NOLC1: variants seen among roughly 807,000 people sequenced by gnomAD.
The protein encoded by NOLC1 is 140 kDa nucleolar phosphoprotein.
NOLC1 carries 37 observed loss-of-function variants against 73.4 expected under a neutral mutation model. The observed-to-expected ratio is 0.50, with a 90% CI of 0.39 to 0.66. NOLC1 has a LOEUF of 0.66. Ranked by LOEUF, NOLC1 falls within the 30% of genes least tolerant of loss-of-function variation. The pLI is 0.00. For missense variants in NOLC1, 921 were observed against 838.9 expected (o/e 1.10, Z -1.21); for synonymous variants, 327 against 302.6 (o/e 1.08, Z -0.84).
Position 102,161,870 on chromosome 10 carries a change from G to A in NOLC1, c.1886G>A (p.Arg629Lys), listed in dbSNP as rs769944012. Residue 629 changes from arginine to lysine, a missense_variant, in exon 12 of 13, where the codon AGG becomes AAG. Physicochemically the swap from Arg to Lys is conservative, Grantham distance 26 (BLOSUM62 2). Coordinates refer to ENST00000605788, the MANE Select transcript of NOLC1 (RefSeq NM_004741.5). ...KRASSPFRRV[R>K]EEEIEVDSRV... ...GCATCATCCCCATTCCGAAGGGTCA[G>A]GGAGGAGGAAATTGAGGTGGATTCA... 1 of 1,614,174 alleles carries A rather than the reference G, an allele frequency of 6.2e-7. No homozygotes were observed. Among genetic ancestry groups the A allele is most frequent in the Non-Finnish European group, 8.5e-7 (1 of 1,180,044 alleles).
chr10:102,160,158 C>T, intron 8 of NOLC1, 75 bp from the exon 9 acceptor site: 1 of 1,591,464 alleles, frequency 6.3e-7, no homozygotes, highest in Non-Finnish European at 8.6e-7. Context: ...CTGTGCGTGT[C>T]TTTGCATTCT....
intron 3 of NOLC1, 50 bp from the exon 4 acceptor site, chr10:102,157,381 C>T (rs866759203): frequency 1.9e-6 from 3 of 1,613,448 alleles, no homozygotes; most frequent in Admixed American, 1.7e-5. Context: ...AATTTACAGC[C>T]TGCTTGTTTC....
Position 102,157,254 on chromosome 10 carries a change from A to C in NOLC1, c.242A>C (p.Lys81Thr). The change falls in exon 3 of 13, where the codon AAG becomes ACG. Residue 81 changes from lysine to threonine, a missense_variant. Coordinates refer to ENST00000605788, the MANE Select transcript of NOLC1 (RefSeq NM_004741.5). The stretch of plus-strand genomic sequence containing the variant: ...CCAGTGGCTAAGAAAGCTAAGAAGA[A>C]GGCCTCATCCAGTGACAGTGAGGAC... Reference protein sequence around the residue: ...NGPVAKKAKKKASSSDSEDSS... With the variant: ...NGPVAKKAKKTASSSDSEDSS... The C allele has an allele frequency of 6.2e-7, 1 of 1,614,220 alleles. No homozygotes were observed. Among genetic ancestry groups the C allele is most frequent in the Non-Finnish European group, 8.5e-7 (1 of 1,180,028 alleles).
Position 102,163,387 on chromosome 10 carries a change from G to A in NOLC1, c.*1118G>A, listed in dbSNP as rs1484344057. 1 of 152,192 alleles carries A rather than the reference G, an allele frequency of 6.6e-6. No individual in the cohort carries two copies. Among genetic ancestry groups the A allele is most frequent in the Non-Finnish European group, 1.5e-5 (1 of 68,042 alleles). 9.4% of individuals were successfully genotyped at this position (152,192 alleles called of 1,614,324 possible). ...GCATATTACCTGATAAACTGGAGTG[G>A]GTTTGGGAGAACAAACTAATAGGAT... is the stretch of plus-strand genomic sequence containing the variant. On this transcript the variant is annotated 3_prime_UTR_variant, in exon 13 of 13. Transcript: ENST00000605788.
intron 1 of NOLC1, among the ~76,000 whole-genome samples, chr10:102,153,781 T>TCCTGCCTCAG (rs933863497): frequency 6.6e-6 from 1 of 150,484 alleles, no homozygotes; most frequent in Non-Finnish European, 1.5e-5. Context: ...CAAGTGATTA[T>TCCTGCCTCAG]CCTGCCTCAG....
chr10:102,152,501 G>A lies in NOLC1; in HGVS notation c.91G>A (p.Ala31Thr), dbSNP rs1207451842. The change falls in exon 1 of 13, where the codon GCC (alanine) becomes ACC (threonine). Residue 31 changes from alanine (A) to threonine (T), a missense_variant. Coordinates refer to ENST00000605788, the MANE Select transcript of NOLC1 (RefSeq NM_004741.5). ...GCGCGATAACCAACTCTCAGAGGTGGCCAATAAGTTCGCCAAAGCGACAGG... is the reference window on the plus strand; with the variant it reads ...GCGCGATAACCAACTCTCAGAGGTGACCAATAAGTTCGCCAAAGCGACAGG... The part of the protein sequence containing the change: ...FLRDNQLSEV[A>T]NKFAKATGAT... The A allele has an allele frequency of 1.2e-6, 2 of 1,613,794 alleles. No individual in the cohort carries two copies.
chr10:102,159,125 AAGG>A (rs2069653031), intron 5 of NOLC1, 65 bp from the exon 6 acceptor site: 2 of 1,409,220 alleles, frequency 1.4e-6, no homozygotes, highest in Admixed American at 4.0e-5. Flanking sequence ...TGCTCATAGG[AAGG>A]AGGTTTTTCA....
At chr10:102,156,246 T>C (rs2069592304) in intron 1 of NOLC1, among the ~76,000 whole-genome samples, 1 of 152,156 alleles carries the variant, frequency 6.6e-6, no homozygotes, top group African/African-American at 2.4e-5. Flanking sequence ...CATTCTTAGA[T>C]AGTACATTGC....
chr10:102,160,062 C>T, intron 8 of NOLC1, 38 bp downstream of exon 8: 1 of 1,603,140 alleles, frequency 6.2e-7, no homozygotes, highest in Non-Finnish European at 8.5e-7. Flanking sequence ...CAGCGTGGGT[C>T]TGGAGGAGGG....
rs1416370433 is a variant in NOLC1, at chr10:102,161,830, T to C, written c.1849-3T>C. The stretch of plus-strand genomic sequence containing the variant: ...TTTAATTTCCTACTTCATTCTTCTG[T>C]AGGGAGAAAAAAGGGCATCATCCCC... On this transcript the variant is annotated splice_region_variant and splice_polypyrimidine_tract_variant and intron_variant, in intron 11 of 12. Transcript: ENST00000605788. 1.2e-6 allele frequency: 2 copies of C among 1,613,152 alleles called. No homozygotes were observed. The highest frequency in any genetic ancestry group is 4.5e-5 in the East Asian group (2 of 44,862).
At position 102,159,569 on chromosome 10, in the gene NOLC1, GTGAC is replaced by G. The variant is rs1564970531; in HGVS notation, c.859+4_859+7del. ...AAAAAACCCATGAAAAATAAACCAGGTGACTGGACATGGGGAGCGAAGCTGTGTG... is the reference window on the plus strand; with the variant it reads ...AAAAAACCCATGAAAAATAAACCAGGTGGACATGGGGAGCGAAGCTGTGTG... On this transcript the variant is annotated splice_donor_variant and splice_donor_5th_base_variant and intron_variant, in intron 7 of 12. Transcript: ENST00000605788. LOFTEE classifies it high-confidence loss of function. The G allele has an allele frequency of 1.2e-6, 2 of 1,613,678 alleles. No individual in the cohort carries two copies. The highest frequency in any genetic ancestry group is 1.7e-6 in the Non-Finnish European group (2 of 1,179,928).
At position 102,152,461 on chromosome 10, in the gene NOLC1, C is replaced by A. The variant is rs117993238; in HGVS notation, c.51C>A (p.Leu17=). ...TGGTTCCCAGCGACCTGTATCCCCTCGTGCTCGGCTTCCTGCGCGATAACC... is the reference window on the plus strand; with the variant it reads ...TGGTTCCCAGCGACCTGTATCCCCTAGTGCTCGGCTTCCTGCGCGATAACC... ...RRVVPSDLYP[L]VLGFLRDNQL... is the part of the protein sequence containing the mutation. Residue 17 remains leucine (L), a synonymous_variant, in exon 1 of 13, where the codon CTC becomes CTA. Coordinates refer to ENST00000605788, the MANE Select transcript of NOLC1 (RefSeq NM_004741.5). 2,739 of 1,613,498 alleles carry A rather than the reference C, an allele frequency of 1.7e-3. 3 individuals carry two copies. The highest frequency in any genetic ancestry group is 2.2e-3 in the Non-Finnish European group (2,574 of 1,180,030).
chr10:102,156,241 TTAGA>T (rs1044806644), intron 1 of NOLC1, among the ~76,000 whole-genome samples: 10 of 152,214 alleles, frequency 6.6e-5, no homozygotes, highest in East Asian at 1.9e-4. Context: ...GATTACATTC[TTAGA>T]TAGTACATTG....
chr10:102,160,152 G>A (rs2069675361), intron 8 of NOLC1, 81 bp from the exon 9 acceptor site: 1 of 1,579,136 alleles, frequency 6.3e-7, no homozygotes, highest in African/African-American at 1.4e-5. Context: ...AAGGCTCTGT[G>A]CGTGTCTTTG....
At chr10:102,158,326 G>A (rs2069634682) in intron 5 of NOLC1, 112 bp downstream of exon 5, 2 of 768,064 alleles carry the variant, frequency 2.6e-6, no homozygotes, top group Non-Finnish European at 4.0e-6. Context: ...TTGAACTGGA[G>A]GTGTTGATTA....
rs116928523 is a variant in NOLC1 at position 102,152,452 on chromosome 10, G to A, written c.42G>A (p.Leu14=). 6.5e-3 allele frequency: 10,539 copies of A among 1,613,210 alleles called. 54 individuals are homozygous for A. Among genetic ancestry groups the A allele is most frequent in the Non-Finnish European group, 7.3e-3 (8,614 of 1,180,036 alleles). Residue 14 remains leucine, a synonymous_variant, in exon 1 of 13, where the codon CTG becomes CTA. Coordinates refer to ENST00000605788, the MANE Select transcript of NOLC1 (RefSeq NM_004741.5). ...TTCGCCGCGTGGTTCCCAGCGACCT[G>A]TATCCCCTCGTGCTCGGCTTCCTGC... ...AGIRRVVPSD[L]YPLVLGFLRD... is the part of the protein sequence containing the mutation.
chr10:102,155,848 T>C (rs1478799900), intron 1 of NOLC1, among the ~76,000 whole-genome samples: 1 of 152,008 alleles, frequency 6.6e-6, no homozygotes, highest in Non-Finnish European at 1.5e-5. Context: ...CAGTACTTAC[T>C]AGTCTTGTTT....
Position 102,159,509 on chromosome 10 carries a change from G to C in NOLC1, c.800G>C (p.Ser267Thr), listed in dbSNP as rs752298162. The change falls in exon 7 of 13, where the codon AGT becomes ACT. Residue 267 changes from serine to threonine, a missense_variant. Coordinates refer to ENST00000605788, the MANE Select transcript of NOLC1 (RefSeq NM_004741.5). Reference sequence around the variant, plus strand: ...ACCCCTACCCGGAAGAGTTCTAGCAGTGAGGATTCCTCCAGTGACGAGGAA... The same window carrying C: ...ACCCCTACCCGGAAGAGTTCTAGCACTGAGGATTCCTCCAGTGACGAGGAA... The part of the protein sequence containing the change: ...ATTPTRKSSS[S>T]EDSSSDEEEE... The C allele has an allele frequency of 6.2e-7, 1 of 1,614,224 alleles. No individual in the cohort carries two copies. Among genetic ancestry groups the C allele is most frequent in the South Asian group, 1.1e-5 (1 of 91,088 alleles).
chr10:102,153,953 G>T (rs577335424), intron 1 of NOLC1, among the ~76,000 whole-genome samples: 2 of 151,948 alleles, frequency 1.3e-5, no homozygotes, highest in Non-Finnish European at 2.9e-5. Flanking sequence ...GATTACAGGC[G>T]CGAGCCACCG....
Sources: gnomAD v4.1 joint callset for allele counts (sites outside exome capture counted in the v4.1 genomes callset) on GRCh38, gnomAD v4.1.1 for gene constraint, MANE v1.5 for transcripts, NCBI Gene and HGNC (gene_info 2026-07-23, HGNC 2026-07-21) for gene names.